Variants in ANKRD11 observed in about 807,000 individuals in gnomAD.
The protein encoded by ANKRD11 is ankyrin repeat domain 11, also known as ankyrin repeat domain-containing protein 11.
A neutral mutation model predicts 195.7 loss-of-function variants in ANKRD11; 17 were observed. That is an observed-to-expected ratio of 0.09 (90% CI 0.06 to 0.13). The LOEUF is 0.13. ANKRD11 is among the 10% of genes least tolerant of loss of function. ANKRD11 has a pLI of 1.00. For synonymous variants in ANKRD11, 1,953 were observed against 1,528.1 expected (o/e 1.28, Z -6.49); for missense variants, 3,735 against 3,566.1 (o/e 1.05, Z -1.21).
intron 7 of ANKRD11, 73 bp downstream of exon 7, chr16:89,288,455 C>G (rs765541517): frequency 6.2e-7 from 1 of 1,608,330 alleles, no homozygotes; most frequent in African/African-American, 1.3e-5. Context: ...CGGCTAGCTA[C>G]GGGGAAACAA....
At chr16:89,440,765 C>G (rs921037120) in intron 1 of ANKRD11, among the ~76,000 whole-genome samples, 1 of 152,188 alleles carries the variant, frequency 6.6e-6, no homozygotes, top group Non-Finnish European at 1.5e-5. Context: ...CAGCAAGGGG[C>G]TACAGAAAGG....
Position 89,281,299 on chromosome 16 carries a change from A to G in ANKRD11, c.5243T>C (p.Val1748Ala). 6.2e-7 allele frequency: 1 copy of G among 1,614,182 alleles called. No homozygotes were observed. The highest frequency in any genetic ancestry group is 8.5e-7 in the Non-Finnish European group (1 of 1,180,030). ...GCAGGCGCTGGTGGGAGCGGTGGGC[A>G]CGGGCGTGGAGTGCTGCGAGTCGGC... ...DCADSQHSTPVPTAPTSACSP... is the reference protein window; with the variant it reads ...DCADSQHSTPAPTAPTSACSP... Residue 1748 changes from valine (V) to alanine (A), a missense_variant, in exon 9 of 13, where the codon GTG becomes GCG. By Grantham distance (64) the Val-to-Ala change is moderately conservative. Transcript: ENST00000301030. This position sits in a 1 kb window ranked among gnomAD's most constrained non-coding sequence, Gnocchi z 5.5.
At chr16:89,361,210 A>C (rs1025605709) in intron 2 of ANKRD11, among the ~76,000 whole-genome samples, 2 of 152,222 alleles carry the variant, frequency 1.3e-5, no homozygotes, top group African/African-American at 4.8e-5. Context: ...ACCCCTTAGG[A>C]AACCCCAGCA....
rs1320107404 is a variant in ANKRD11 at position 89,275,135 on chromosome 16, C to T, written c.7527G>A (p.Glu2509=). 2 of 1,612,192 alleles carry T rather than the reference C, an allele frequency of 1.2e-6. No individual in the cohort carries two copies. The highest frequency in any genetic ancestry group is 3.3e-5 in the Admixed American group (2 of 59,774). ...GTAGACGCAGCTTTCCCCGGACGGCCTCCTGCTGCCTGAACAGCTCCTTCA... is the reference window on the plus strand; with the variant it reads ...GTAGACGCAGCTTTCCCCGGACGGCTTCCTGCTGCCTGAACAGCTCCTTCA... The part of the protein sequence containing the change: ...EPLKELFRQQ[E]AVRGKLRLQH... Residue 2509 remains glutamate, a synonymous_variant, in exon 10 of 13, where the codon GAG becomes GAA. Transcript: ENST00000301030.
chr16:89,374,038 G>C (rs2040311246), intron 2 of ANKRD11, among the ~76,000 whole-genome samples: 1 of 152,242 alleles, frequency 6.6e-6, no homozygotes, highest in East Asian at 1.9e-4. Flanking sequence ...TGCAAAGCCA[G>C]AGTGGAGACA....
chr16:89,428,351 C>T (rs760583692), intron 1 of ANKRD11, among the ~76,000 whole-genome samples: 2 of 151,912 alleles, frequency 1.3e-5, no homozygotes, highest in Non-Finnish European at 2.9e-5. Flanking sequence ...CGGTGAAACC[C>T]CGTCTCTACT....
rs557322461 is a variant in ANKRD11 at position 89,410,193 on chromosome 16, C to T, written c.-60+8091G>A. On this transcript the variant is annotated intron_variant, in intron 2 of 12. Transcript: ENST00000301030. Reference sequence around the variant, plus strand: ...TTCAGCTACAGGGCAGAATTTCACACGGAGCAGGCACCTCACAGATGCCAA... The same window carrying T: ...TTCAGCTACAGGGCAGAATTTCACATGGAGCAGGCACCTCACAGATGCCAA... Among the ~76,000 whole-genome samples the T allele has an allele frequency of 1.1e-4, 16 of 152,274 alleles. 1 individual carries two copies. In the South Asian group the frequency reaches 1.5e-3, roughly 14 times the overall value.
chr16:89,348,494 G>C (rs528672808), intron 2 of ANKRD11, among the ~76,000 whole-genome samples: 1 of 152,296 alleles, frequency 6.6e-6, no homozygotes, highest in South Asian at 2.1e-4. Flanking sequence ...ACCCTCCTCT[G>C]TTGTGGAAGG....
intron 2 of ANKRD11, among the ~76,000 whole-genome samples, chr16:89,327,882 T>C (rs936925281): frequency 2.0e-5 from 3 of 152,122 alleles, no homozygotes; most frequent in African/African-American, 7.2e-5. Context: ...AAAAAACTGA[T>C]AAACGACCTC....
chr16:89,418,752 A>C (rs1028344156), intron 1 of ANKRD11, among the ~76,000 whole-genome samples: 3 of 151,692 alleles, frequency 2.0e-5, no homozygotes, highest in African/African-American at 7.3e-5. Context: ...CAGTAAGCTA[A>C]GTTTTTAAAA....
intron 1 of ANKRD11, among the ~76,000 whole-genome samples, chr16:89,471,370 G>A (rs777791707): frequency 6.7e-4 from 102 of 152,176 alleles, no homozygotes; most frequent in Non-Finnish European, 1.2e-3. Flanking sequence ...AGGAATTCAC[G>A]AGACGGCAAG....
chr16:89,472,369 A>G (rs996446400), intron 1 of ANKRD11, among the ~76,000 whole-genome samples: 5 of 152,112 alleles, frequency 3.3e-5, no homozygotes, highest in African/African-American at 1.2e-4. Flanking sequence ...CTGCACATTT[A>G]CTAAGGGGAA....
chr16:89,401,379 A>C (rs936371830), intron 2 of ANKRD11, among the ~76,000 whole-genome samples: 1 of 152,102 alleles, frequency 6.6e-6, no homozygotes, highest in African/African-American at 2.4e-5. Flanking sequence ...TCTGGCATTA[A>C]ATTTCTCTCT....
chr16:89,449,351 T>C (rs4785565), intron 1 of ANKRD11, among the ~76,000 whole-genome samples: 75,474 of 151,796 alleles, frequency 0.5, 19,059 homozygotes, highest in Middle Eastern at 0.66. Context: ...GGTGACAGAA[T>C]GAGACCCTGT....
intron 3 of ANKRD11, among the ~76,000 whole-genome samples, chr16:89,313,980 C>T (rs967878180): frequency 6.6e-6 from 1 of 152,226 alleles, no homozygotes; most frequent in African/African-American, 2.4e-5. Flanking sequence ...TAGTTCACGC[C>T]TGTGATGCGG....
intron 1 of ANKRD11, among the ~76,000 whole-genome samples, chr16:89,435,056 G>C (rs2043155822): frequency 6.6e-6 from 1 of 152,172 alleles, no homozygotes; most frequent in African/African-American, 2.4e-5. Flanking sequence ...TGGGTCGGGT[G>C]GGGACTTGGA....
At chr16:89,489,808 T>C (rs1482041688) in intron 1 of ANKRD11, among the ~76,000 whole-genome samples, 20 of 23,990 alleles carry the variant, frequency 8.3e-4, no homozygotes, top group South Asian at 1.4e-3. Context: ...CCTGTCCGCC[T>C]CTCACGGCCG....
At chr16:89,463,309 T>C (rs1003261280) in intron 1 of ANKRD11, among the ~76,000 whole-genome samples, 4 of 152,192 alleles carry the variant, frequency 2.6e-5, no homozygotes, top group African/African-American at 9.7e-5. Flanking sequence ...ATGGGAGACT[T>C]TTCATTTTGT....
chr16:89,353,169 C>T (rs1415367655), intron 2 of ANKRD11, among the ~76,000 whole-genome samples: 1 of 152,022 alleles, frequency 6.6e-6, no homozygotes, highest in African/African-American at 2.4e-5. Flanking sequence ...TGGTGAAACC[C>T]CGTCTCTACT....
Sources: allele counts gnomAD v4.1 joint callset (sites outside exome capture counted in the v4.1 genomes callset), GRCh38; gene constraint gnomAD v4.1.1; non-coding constraint Gnocchi (gnomAD v3.1); transcripts MANE v1.5; gene names NCBI Gene and HGNC (gene_info 2026-07-23, HGNC 2026-07-21).